Variants in CCS observed in about 807,000 individuals in gnomAD.
CCS encodes the protein superoxide dismutase copper chaperone.
Under a neutral mutation model 35.5 loss-of-function variants are expected in CCS, and 32 were observed. The observed-to-expected ratio is 0.90, with a 90% CI of 0.68 to 1.21. CCS has a LOEUF of 1.21. Ranked by LOEUF, CCS falls within the 50% of genes most tolerant of loss-of-function variation. The pLI, the probability that CCS is intolerant of heterozygous loss-of-function variation, is 0.00. For synonymous variants in CCS, 130 were observed against 147.2 expected (o/e 0.88, Z 0.84); for missense variants, 342 against 375.4 (o/e 0.91, Z 0.73).
At chr11:66,599,064 G>A (rs915838625) in intron 2 of CCS, 52 bp from the exon 3 acceptor site, 1 of 1,611,934 alleles carries the variant, frequency 6.2e-7, no homozygotes, top group Non-Finnish European at 8.5e-7. Flanking sequence ...GTTCCCTGCT[G>A]CCAGCACTGG....
chr11:66,600,975 G>A (rs187733482), intron 5 of CCS, among the ~76,000 whole-genome samples: 12 of 152,296 alleles, frequency 7.9e-5, no homozygotes, highest in African/African-American at 2.6e-4. Context: ...CCCCGGTCCT[G>A]GAGTTTCATT....
At chr11:66,597,976 C>T (rs986885587) in intron 2 of CCS, among the ~76,000 whole-genome samples, 1 of 151,490 alleles carries the variant, frequency 6.6e-6, no homozygotes, top group African/African-American at 2.4e-5. Context: ...TTAGGCCAGG[C>T]GCAGTGGCTC....
intron 5 of CCS, 77 bp from the exon 6 acceptor site, chr11:66,605,262 G>A: frequency 6.3e-7 from 1 of 1,595,128 alleles, no homozygotes; most frequent in Non-Finnish European, 8.5e-7. Context: ...AGAGGCGTCG[G>A]AATCAGGAAA....
Position 66,599,479 on chromosome 11 carries a change from G to A in CCS, c.271G>A (p.Ala91Thr). 2 of 1,543,540 alleles carry A rather than the reference G, an allele frequency of 1.3e-6. No individual in the cohort carries two copies. The highest frequency in any genetic ancestry group is 2.0e-4 in the Middle Eastern group (1 of 5,072). ...GQLQNLGAAV[A>T]ILGGPGTVQG... ...TGCAGAGAATCTGGGGGCAGCAGTG[G>A]CCATCCTGGGGGGGCCTGGCACCGT... Residue 91 changes from alanine (A) to threonine (T), a missense_variant, in exon 4 of 8, where the codon GCC becomes ACC. Coordinates refer to ENST00000533244, the MANE Select transcript of CCS (RefSeq NM_005125.2).
At chr11:66,595,504 TG>T (rs1372837822) in intron 2 of CCS, among the ~76,000 whole-genome samples, 1 of 152,100 alleles carries the variant, frequency 6.6e-6, no homozygotes, top group Non-Finnish European at 1.5e-5. Flanking sequence ...GGCTTTCTCA[TG>T]GGGCCAGGGA....
chr11:66,599,746 G>T, intron 4 of CCS, 110 bp downstream of exon 4: 3 of 1,042,732 alleles, frequency 2.9e-6, no homozygotes, highest in South Asian at 3.0e-5. Context: ...TCCAGATGAG[G>T]AAACTGAGGC....
Position 66,593,274 on chromosome 11 carries a change from T to A in CCS, c.13T>A (p.Ser5Thr). MASD[S>T]GNQGTLCTLE... ...GACTGGGTCCAGAATGGCTTCGGAT[T>A]CGGGGAACCAGGGGACCCTCTGCAC... Residue 5 changes from serine to threonine, a missense_variant, in exon 1 of 8, where the codon TCG becomes ACG. By Grantham distance (58) the Ser-to-Thr change is moderately conservative. Coordinates refer to ENST00000533244, the MANE Select transcript of CCS (RefSeq NM_005125.2). 1 of 1,559,626 alleles carries A rather than the reference T, an allele frequency of 6.4e-7. No individual in the cohort carries two copies. Among genetic ancestry groups the A allele is most frequent in the East Asian group, 2.4e-5 (1 of 42,340 alleles).
chr11:66,604,456 G>A (rs1035303440), intron 5 of CCS, among the ~76,000 whole-genome samples: 5 of 152,208 alleles, frequency 3.3e-5, no homozygotes, highest in Admixed American at 3.3e-4. Flanking sequence ...GCAAGGTCAT[G>A]GGAGCCCACC....
intron 5 of CCS, among the ~76,000 whole-genome samples, chr11:66,604,100 C>T (rs890459000): frequency 3.3e-5 from 5 of 151,094 alleles, no homozygotes; most frequent in African/African-American, 7.3e-5. Flanking sequence ...CGTAGTGGCG[C>T]GTGCCTGTAA....
Position 66,593,223 on chromosome 11 carries a change from G to C in CCS, c.-39G>C. The C allele has an allele frequency of 1.3e-6, 2 of 1,553,474 alleles. No individual in the cohort carries two copies. The highest frequency in any genetic ancestry group is 8.7e-7 in the Non-Finnish European group (1 of 1,148,632). On this transcript the variant is annotated 5_prime_UTR_variant, in exon 1 of 8. Transcript: ENST00000533244. ...CCGCGCTGGTTGGTGCTCCTGCGCC[G>C]GAGGAGTTCTGCGTCTCGGGGTGGT... is the stretch of plus-strand genomic sequence containing the variant.
chr11:66,599,456 C>A lies in CCS; in HGVS notation c.251-3C>A. The stretch of plus-strand genomic sequence containing the variant: ...GCCAGCCCAAGTGTCTAATACCTTG[C>A]AGAGAATCTGGGGGCAGCAGTGGCC... On this transcript the variant is annotated splice_polypyrimidine_tract_variant and splice_region_variant and intron_variant, in intron 3 of 7. Coordinates refer to ENST00000533244, the MANE Select transcript of CCS (RefSeq NM_005125.2). 6.5e-7 allele frequency: 1 copy of A among 1,527,814 alleles called. No individual in the cohort carries two copies. Among genetic ancestry groups the A allele is most frequent in the Non-Finnish European group, 8.8e-7 (1 of 1,141,786 alleles). The allele number at this position is 1,527,814 out of a possible 1,614,324, so 94.6% of individuals were successfully genotyped here. A position where few individuals can be genotyped will look rare whatever the true frequency, so the allele number is the denominator to read the frequency against.
chr11:66,597,293 C>A (rs1428226323), intron 2 of CCS, among the ~76,000 whole-genome samples: 1 of 151,608 alleles, frequency 6.6e-6, no homozygotes, highest in East Asian at 1.9e-4. Context: ...CCTGTCTCTA[C>A]TAAAAACACA....
At position 66,606,001 on chromosome 11, in the gene CCS, GT is replaced by G; in HGVS notation, c.*150del. ...TGTGGTGTTCCCTTGGCAAATGAAA[GT>G]TTTATTTTCGTTTGGGACTTGGTGT... On this transcript the variant is annotated 3_prime_UTR_variant, in exon 8 of 8. Coordinates refer to ENST00000533244, the MANE Select transcript of CCS (RefSeq NM_005125.2). 2 of 852,328 alleles carry G rather than the reference GT, an allele frequency of 2.3e-6. No homozygotes were observed. Among genetic ancestry groups the G allele is most frequent in the African/African-American group, 1.7e-5 (1 of 58,048 alleles). The allele number at this position is 852,328 out of a possible 1,614,324, so 52.8% of individuals were successfully genotyped here. A position where few individuals can be genotyped will look rare whatever the true frequency, so the allele number is the denominator to read the frequency against.
At chr11:66,599,093 C>A (rs772858532) in intron 2 of CCS, 23 bp from the exon 3 acceptor site, 2 of 1,614,030 alleles carry the variant, frequency 1.2e-6, no homozygotes, top group Non-Finnish European at 1.7e-6. Flanking sequence ...CTCTGTTGCC[C>A]TCTTCCCTCT....
chr11:66,604,468 G>T (rs1177661837), intron 5 of CCS, among the ~76,000 whole-genome samples: 1 of 152,208 alleles, frequency 6.6e-6, no homozygotes, highest in Non-Finnish European at 1.5e-5. Context: ...GAGCCCACCT[G>T]TACTGGCACA....
intron 3 of CCS, 31 bp from the exon 4 acceptor site, chr11:66,599,428 C>T (rs1174876605): frequency 6.6e-7 from 1 of 1,512,326 alleles, no homozygotes; most frequent in Non-Finnish European, 8.8e-7. Flanking sequence ...GGTGAGGTGG[C>T]AAGCCAGCCC....
At chr11:66,603,512 A>T (rs972129563) in intron 5 of CCS, among the ~76,000 whole-genome samples, 1 of 150,792 alleles carries the variant, frequency 6.6e-6, no homozygotes, top group Admixed American at 6.6e-5. Context: ...GGAGTTTGAG[A>T]TCAGCTTGAC....
intron 2 of CCS, among the ~76,000 whole-genome samples, chr11:66,595,605 G>A (rs1470818439): frequency 1.3e-5 from 2 of 152,034 alleles, no homozygotes; most frequent in African/African-American, 4.8e-5. Context: ...CAGGAGGTAA[G>A]CAGGAGGATC....
chr11:66,600,637 G>A (rs1437900796), intron 5 of CCS, 88 bp downstream of exon 5: 2 of 608,696 alleles, frequency 3.3e-6, no homozygotes, highest in South Asian at 3.1e-5. Flanking sequence ...TCATAACAGT[G>A]TGATTCCTTT....
Sources: allele counts gnomAD v4.1 joint callset (sites outside exome capture counted in the v4.1 genomes callset), GRCh38; gene constraint gnomAD v4.1.1; transcripts MANE v1.5; gene names NCBI Gene and HGNC (gene_info 2026-07-23, HGNC 2026-07-21).